DACH1: variants seen among roughly 807,000 people sequenced by gnomAD.
The protein encoded by DACH1 is dachshund family transcription factor 1, also known as dachshund homolog 1.
DACH1 carries 12 observed loss-of-function variants against 54.2 expected under a neutral mutation model. The ratio of observed to expected loss-of-function variants is 0.22; its 90% CI spans 0.14 to 0.36. The LOEUF is 0.36. DACH1 is among the 10% of genes least tolerant of loss of function. The probability of loss-of-function intolerance (pLI) is 1.00; values close to 1 mark genes in which losing one functional copy is unlikely to be tolerated. For synonymous variants in DACH1, 386 were observed against 366.2 expected (o/e 1.05, Z -0.62); for missense variants, 805 against 929.8 (o/e 0.87, Z 1.75).
intron 1 of DACH1, among the ~76,000 whole-genome samples, chr13:71,720,688 A>G (rs943380733): frequency 2.0e-5 from 3 of 152,182 alleles, no homozygotes; most frequent in Non-Finnish European, 2.9e-5. Flanking sequence ...ATAAATGTCT[A>G]CTTTAGTCCT....
intron 6 of DACH1, among the ~76,000 whole-genome samples, chr13:71,512,858 A>G (rs552898658): frequency 6.6e-6 from 1 of 152,024 alleles, no homozygotes; most frequent in African/African-American, 2.4e-5. Flanking sequence ...CAAGGTATAT[A>G]CCTTGGAAGA....
chr13:71,601,849 T>C (rs905771744), intron 3 of DACH1, among the ~76,000 whole-genome samples: 7 of 151,998 alleles, frequency 4.6e-5, no homozygotes, highest in African/African-American at 1.2e-4. Flanking sequence ...TGCCAGAATA[T>C]GCTATTTCAA....
intron 1 of DACH1, among the ~76,000 whole-genome samples, chr13:71,764,703 C>T (rs1885545324): frequency 6.6e-6 from 1 of 152,146 alleles, no homozygotes; most frequent in Non-Finnish European, 1.5e-5. Context: ...TAAATATATG[C>T]ACAATGCAAA....
intron 1 of DACH1, among the ~76,000 whole-genome samples, chr13:71,745,398 T>C (rs2041847): frequency 0.63 from 96,504 of 152,206 alleles, 38,182 homozygotes; most frequent in Non-Finnish European, 0.89. Context: ...GACCTCACAG[T>C]ATCAAAGGGA....
chr13:71,495,432 G>C (rs1879324315), intron 6 of DACH1, among the ~76,000 whole-genome samples: 2 of 151,862 alleles, frequency 1.3e-5, no homozygotes, highest in African/African-American at 4.8e-5. Flanking sequence ...ACATTTATAA[G>C]TGTTTTGGCA....
chr13:71,751,192 C>T (rs1029880429), intron 1 of DACH1, among the ~76,000 whole-genome samples: 13 of 152,136 alleles, frequency 8.5e-5, no homozygotes, highest in Admixed American at 7.2e-4. Flanking sequence ...GAACTGTTTG[C>T]ATATTCAGTT....
At chr13:71,764,746 T>C (rs1885550309) in intron 1 of DACH1, among the ~76,000 whole-genome samples, 1 of 152,248 alleles carries the variant, frequency 6.6e-6, no homozygotes, top group Admixed American at 6.5e-5. Flanking sequence ...TTTTACAATC[T>C]GAAGGTATGC....
At position 71,542,214 on chromosome 13, in the gene DACH1, C is replaced by A. The variant is rs1237344518; in HGVS notation, c.1570+14810G>T. Among the ~76,000 whole-genome samples, 5 of 151,910 alleles carry A rather than the reference C, an allele frequency of 3.3e-5. No individual in the cohort carries two copies. In the East Asian group the frequency reaches 9.7e-4, roughly 29 times the overall value. On this transcript the variant is annotated intron_variant, in intron 6 of 10. Coordinates refer to ENST00000613252, the MANE Select transcript of DACH1 (RefSeq NM_080759.6). ...GCAGTGAGCTGAGATTGCGCCATTG[C>A]ACTCCAGCCTGGGAAACGAGCGAAA...
chr13:71,555,776 G>A (rs1376486028), intron 6 of DACH1, among the ~76,000 whole-genome samples: 1 of 152,140 alleles, frequency 6.6e-6, no homozygotes, highest in African/African-American at 2.4e-5. Flanking sequence ...TGAAAAAAAT[G>A]TAAGTTAAAA....
rs571008377 is a variant in DACH1, at chr13:71,497,804, T to G, written c.1571-8656A>C. On this transcript the variant is annotated intron_variant, in intron 6 of 10. Coordinates refer to ENST00000613252, the MANE Select transcript of DACH1 (RefSeq NM_080759.6). Reference sequence around the variant, plus strand: ...ATAATTTGGGAAAGGGCAAAGAATATGAACTGGTTTATCAATTTCTCTTCA... The same window carrying G: ...ATAATTTGGGAAAGGGCAAAGAATAGGAACTGGTTTATCAATTTCTCTTCA... Among the ~76,000 whole-genome samples the G allele has an allele frequency of 2.0e-5, 3 of 151,860 alleles. No homozygotes were observed. The South Asian group carries it at 6.3e-4, about 32-fold the overall frequency.
rs12875383 is a variant in DACH1, at chr13:71,610,436, T to G, written c.1126+20120A>C. 7.5e-3 allele frequency among the ~76,000 whole-genome samples: 1,141 copies of G among 152,300 alleles called. 6 individuals are homozygous for G. Among genetic ancestry groups the G allele is most frequent in the Non-Finnish European group, 0.013 (867 of 68,022 alleles). ...AAGTGGGAAAATCTAGTTTTTGTTT[T>G]GTTTTGTTTTTAGTAATTTCCTACT... On this transcript the variant is annotated intron_variant, in intron 3 of 10. Transcript: ENST00000613252.
At chr13:71,660,852 A>G (rs1879438485) in intron 2 of DACH1, among the ~76,000 whole-genome samples, 1 of 151,654 alleles carries the variant, frequency 6.6e-6, no homozygotes, top group Admixed American at 6.6e-5. Flanking sequence ...TCTAGCTGTT[A>G]TAGAAGAAAT....
chr13:71,544,282 A>C (rs1283681421), intron 6 of DACH1, among the ~76,000 whole-genome samples: 4 of 152,074 alleles, frequency 2.6e-5, no homozygotes, highest in Non-Finnish European at 5.9e-5. Context: ...ACACATGACT[A>C]CTTTGAATAG....
intron 1 of DACH1, among the ~76,000 whole-genome samples, chr13:71,822,983 AGAAAATGTACCTTTGAGG>A (rs1888248933): frequency 6.6e-6 from 1 of 152,170 alleles, no homozygotes. Context: ...AAAATTCAAC[AGAAAATGTACCTTTGAGG>A]GACTATATCC....
intron 1 of DACH1, among the ~76,000 whole-genome samples, chr13:71,754,859 G>A (rs1167162289): frequency 6.6e-6 from 1 of 151,970 alleles, no homozygotes; most frequent in African/African-American, 2.4e-5. Context: ...AGAATAATAA[G>A]GCAAGTATGT....
intron 6 of DACH1, 37 bp from the exon 7 acceptor site, chr13:71,489,185 C>T (rs371191523): frequency 6.7e-5 from 107 of 1,592,302 alleles, no homozygotes; most frequent in Non-Finnish European, 8.1e-5. Flanking sequence ...GAACAAGTTA[C>T]GCTTGTCTGT....
At chr13:71,535,485 G>C (rs1035823326) in intron 6 of DACH1, among the ~76,000 whole-genome samples, 1 of 151,896 alleles carries the variant, frequency 6.6e-6, no homozygotes, top group African/African-American at 2.4e-5. Flanking sequence ...GACAGACTTA[G>C]CAAATCTCAT....
intron 4 of DACH1, among the ~76,000 whole-genome samples, chr13:71,570,959 C>G (rs1039267911): frequency 5.3e-5 from 8 of 152,054 alleles, no homozygotes; most frequent in African/African-American, 1.9e-4. Flanking sequence ...TAAAATAAAT[C>G]AAGTATCCTG....
chr13:71,682,806 G>C (rs1880979856), intron 1 of DACH1, among the ~76,000 whole-genome samples: 1 of 152,072 alleles, frequency 6.6e-6, no homozygotes, highest in South Asian at 2.1e-4. Context: ...TATAAGCAGA[G>C]GTAGAGACAG....
Sources: allele counts gnomAD v4.1 joint callset (sites outside exome capture counted in the v4.1 genomes callset), GRCh38; gene constraint gnomAD v4.1.1; transcripts MANE v1.5; gene names NCBI Gene and HGNC (gene_info 2026-07-23, HGNC 2026-07-21).